The following UFL1 variants were observed in gnomAD, a reference collection of about 807,000 sequenced individuals.
UFL1 encodes the protein E3 UFM1-protein ligase 1.
A neutral mutation model predicts 99.3 loss-of-function variants in UFL1; 78 were observed. The observed-to-expected ratio is 0.79, with a 90% CI of 0.65 to 0.95. The LOEUF is 0.95. Ranked by LOEUF, UFL1 falls within the 40% of genes least tolerant of loss-of-function variation. The pLI is 0.00. For synonymous variants in UFL1, 335 were observed against 322.2 expected (o/e 1.04, Z -0.42); for missense variants, 936 against 937.0 (o/e 1.00, Z 0.01).
rs1769650687 is a variant in UFL1 at position 96,523,252 on chromosome 6, A to G, written c.184A>G (p.Ile62Val). 1.2e-6 allele frequency: 2 copies of G among 1,611,596 alleles called. No homozygotes were observed. The highest frequency in any genetic ancestry group is 1.7e-5 in the Admixed American group (1 of 59,760). The change falls in exon 2 of 19, where the codon ATT becomes GTT. Residue 62 changes from isoleucine to valine, a missense_variant. Ile to Val is a conservative substitution (Grantham distance 29). Transcript: ENST00000369278. ...AAAGGAATATATTACTCCAGCCCAA[A>G]TTAGTAAAGAAATGAGAGATGAGCT... ...DGKEYITPAQ[I>V]SKEMRDELHV... is the part of the protein sequence containing the mutation.
At chr6:96,548,078 T>C (rs1770025044) in intron 12 of UFL1, 86 bp from the exon 13 acceptor site, 1 of 816,358 alleles carries the variant, frequency 1.2e-6, no homozygotes, top group South Asian at 1.8e-5. Context: ...ATTGTCTTAC[T>C]AAATATAGTA....
At chr6:96,544,131 G>A (rs1769967926) in intron 12 of UFL1, among the ~76,000 whole-genome samples, 2 of 150,814 alleles carry the variant, frequency 1.3e-5, no homozygotes, top group African/African-American at 4.8e-5. Flanking sequence ...TTGAAAAGTA[G>A]ACTTGCAAAT....
At chr6:96,546,557 A>G (rs557480272) in intron 12 of UFL1, among the ~76,000 whole-genome samples, 1 of 151,794 alleles carries the variant, frequency 6.6e-6, no homozygotes, top group African/African-American at 2.4e-5. Flanking sequence ...CTGAATAGCC[A>G]AAGTATCCTA....
In UFL1 at chr6:96,522,061, G is replaced by A. The variant is rs998367931; in HGVS notation, c.77+111G>A. 4 of 1,211,190 alleles carry A rather than the reference G, an allele frequency of 3.3e-6. No homozygotes were observed. The African/African-American group carries it at 4.5e-5, about 14-fold the overall frequency. 75.0% of individuals were successfully genotyped at this position (1,211,190 alleles called of 1,614,324 possible). A position where few individuals can be genotyped will look rare whatever the true frequency, so the allele number is the denominator to read the frequency against. ...TGCATCCCGGGTCTTCTCGCTGCTT[G>A]TCACCATTCTCTCCTCCTCCCTCTG... On this transcript the variant is annotated intron_variant, in intron 1 of 18. Coordinates refer to ENST00000369278, the MANE Select transcript of UFL1 (RefSeq NM_015323.5).
rs764675565 is a variant in UFL1, at chr6:96,553,349, A to G, written c.2231A>G (p.Lys744Arg). The change falls in exon 19 of 19, where the codon AAG (lysine) becomes AGG (arginine). Residue 744 changes from lysine (K) to arginine (R), a missense_variant. Physicochemically the swap from Lys to Arg is conservative, Grantham distance 26 (BLOSUM62 2). Coordinates refer to ENST00000369278, the MANE Select transcript of UFL1 (RefSeq NM_015323.5). The part of the protein sequence containing the change: ...LVVKQLVSQS[K>R]KTGQGDYPLN... ...GTAAAGCAGCTAGTCAGTCAAAGTA[A>G]GAAGACTGGGCAGGGAGATTATCCC... is the stretch of plus-strand genomic sequence containing the variant. 5 of 1,613,858 alleles carry G rather than the reference A, an allele frequency of 3.1e-6. No homozygotes were observed. The highest frequency in any genetic ancestry group is 4.5e-5 in the East Asian group (2 of 44,828).
chr6:96,533,295 A>G (rs1246723349), intron 6 of UFL1, among the ~76,000 whole-genome samples: 3 of 152,110 alleles, frequency 2.0e-5, no homozygotes, highest in Admixed American at 1.3e-4. Context: ...TACAAAGTCA[A>G]AAACATAAAT....
At position 96,543,728 on chromosome 6, in the gene UFL1, C is replaced by A. The variant is rs1385020429; in HGVS notation, c.1402+712C>A. ...AAGGCAAGGGATAAAACATTGGAAG[C>A]TGATTCAGAGTTAGAAAGTGGTATG... On this transcript the variant is annotated intron_variant, in intron 12 of 18. Transcript: ENST00000369278. Among the ~76,000 whole-genome samples, 6 of 150,912 alleles carry A rather than the reference C, an allele frequency of 4.0e-5. No homozygotes were observed. In the East Asian group the frequency reaches 1.2e-3, roughly 29 times the overall value.
intron 2 of UFL1, 33 bp from the exon 3 acceptor site, chr6:96,524,349 C>A: frequency 6.3e-7 from 1 of 1,579,510 alleles, no homozygotes; most frequent in Admixed American, 1.8e-5. Flanking sequence ...ACGCATAGAT[C>A]ATTTAAAATA....
chr6:96,523,367 A>T, intron 2 of UFL1, 76 bp downstream of exon 2: 1 of 1,331,334 alleles, frequency 7.5e-7, no homozygotes, highest in Non-Finnish European at 1.0e-6. Flanking sequence ...ACCCGTAAAC[A>T]TGTAATTGCA....
chr6:96,543,472 G>A (rs986750881), intron 12 of UFL1, among the ~76,000 whole-genome samples: 2 of 151,106 alleles, frequency 1.3e-5, no homozygotes, highest in Non-Finnish European at 1.5e-5. Flanking sequence ...AAGAGAATTG[G>A]CCAACAAAGA....
rs770801808 is a variant in UFL1 at position 96,540,630 on chromosome 6, A to G, written c.1254A>G (p.Lys418=). 12 of 1,599,662 alleles carry G rather than the reference A, an allele frequency of 7.5e-6. No homozygotes were observed. Among genetic ancestry groups the G allele is most frequent in the African/African-American group, 1.4e-5 (1 of 73,954 alleles). ...TTAGTACAAGTAAAAAGGATAAAAAAGATGAGCGAAGAAGGAAAGCAACAG... is the reference window on the plus strand; with the variant it reads ...TTAGTACAAGTAAAAAGGATAAAAAGGATGAGCGAAGAAGGAAAGCAACAG... ...ESVSTSKKDK[K]DERRRKATEG... Residue 418 remains lysine (K), a synonymous_variant, in exon 11 of 19, where the codon AAA becomes AAG. Transcript: ENST00000369278.
At chr6:96,531,269 A>G (rs1292910350) in intron 6 of UFL1, among the ~76,000 whole-genome samples, 1 of 152,134 alleles carries the variant, frequency 6.6e-6, no homozygotes, top group Non-Finnish European at 1.5e-5. Context: ...ACCCCTCTAT[A>G]CATCTGTATT....
Position 96,537,442 on chromosome 6 carries a change from A to G in UFL1, c.871A>G (p.Thr291Ala), listed in dbSNP as rs756945889. Reference sequence around the variant, plus strand: ...CTACATAAAGAAAAGATATAAGACTACACAACTCTTGTTTTTGAAAGCAGC... The same window carrying G: ...CTACATAAAGAAAAGATATAAGACTGCACAACTCTTGTTTTTGAAAGCAGC... ...VSYIKKRYKT[T>A]QLLFLKAACV... The change falls in exon 9 of 19, where the codon ACA becomes GCA. Residue 291 changes from threonine (T) to alanine (A), a missense_variant. Thr to Ala is a moderately conservative substitution (Grantham distance 58, BLOSUM62 0). Transcript: ENST00000369278. 1 of 1,610,186 alleles carries G rather than the reference A, an allele frequency of 6.2e-7. No individual in the cohort carries two copies. The highest frequency in any genetic ancestry group is 8.5e-7 in the Non-Finnish European group (1 of 1,177,912).
Position 96,548,234 on chromosome 6 carries a change from A to G in UFL1, c.1473A>G (p.Gln491=). The G allele has an allele frequency of 1.9e-6, 3 of 1,608,130 alleles. No individual in the cohort carries two copies. Among genetic ancestry groups the G allele is most frequent in the Non-Finnish European group, 2.5e-6 (3 of 1,176,998 alleles). ...EIEDFLRKHI[Q]DAPEEFISEL... is the part of the protein sequence containing the mutation. ...AAGATTTTTTAAGAAAACACATACA[A>G]GATGCCCCTGAGGAGTTTATTTCGG... Residue 491 remains glutamine, a synonymous_variant, in exon 13 of 19, where the codon CAA becomes CAG. Coordinates refer to ENST00000369278, the MANE Select transcript of UFL1 (RefSeq NM_015323.5).
intron 10 of UFL1, 101 bp from the exon 11 acceptor site, chr6:96,540,434 A>C: frequency 7.1e-7 from 1 of 1,408,884 alleles, no homozygotes; most frequent in South Asian, 1.5e-5. Context: ...AGTTCTAAGC[A>C]ACAAAACCAA....
chr6:96,554,360 A>AG lies in UFL1; in HGVS notation c.*857_*858insG, dbSNP rs1770125382. The AG allele has an allele frequency of 6.6e-6, 1 of 152,168 alleles. No homozygotes were observed. Among genetic ancestry groups the AG allele is most frequent in the Non-Finnish European group, 1.5e-5 (1 of 68,026 alleles). The allele number at this position is 152,168 out of a possible 1,614,324, so 9.4% of individuals were successfully genotyped here. A position where few individuals can be genotyped will look rare whatever the true frequency, so the allele number is the denominator to read the frequency against. On this transcript the variant is annotated 3_prime_UTR_variant, in exon 19 of 19. Transcript: ENST00000369278. ...TACTTTGTAAATACTAGTGTGAAAAACAGATAGGATGCCTTTTCCAGTGGT... is the reference window on the plus strand; with the variant it reads ...TACTTTGTAAATACTAGTGTGAAAAAGCAGATAGGATGCCTTTTCCAGTGGT...
chr6:96,540,025 A>AAAC (rs1769908441), intron 10 of UFL1, among the ~76,000 whole-genome samples: 1 of 150,994 alleles, frequency 6.6e-6, no homozygotes, highest in African/African-American at 2.4e-5. Flanking sequence ...TTGTTATCAT[A>AAAC]AACTTTTTCA....
At chr6:96,536,982 A>G (rs142855724) in intron 8 of UFL1, among the ~76,000 whole-genome samples, 3 of 151,436 alleles carry the variant, frequency 2.0e-5, no homozygotes, top group African/African-American at 7.2e-5. Flanking sequence ...GCATATATAT[A>G]TATAAGATAT....
At chr6:96,523,365 A>C (rs1769653941) in intron 2 of UFL1, 74 bp downstream of exon 2, 2 of 1,377,450 alleles carry the variant, frequency 1.5e-6, no homozygotes, top group African/African-American at 2.9e-5. Flanking sequence ...AAACCCGTAA[A>C]CATGTAATTG....
Sources: allele counts gnomAD v4.1 joint callset (sites outside exome capture counted in the v4.1 genomes callset), GRCh38; gene constraint gnomAD v4.1.1; transcripts MANE v1.5; gene names NCBI Gene and HGNC (gene_info 2026-07-23, HGNC 2026-07-21).